The following PON3 variants were observed in gnomAD, a reference collection of about 807,000 sequenced individuals.
The protein encoded by PON3 is paraoxonase 3.
A neutral mutation model predicts 36.3 loss-of-function variants in PON3; 37 were observed. The observed-to-expected ratio is 1.02, with a 90% CI of 0.78 to 1.34. The LOEUF (loss-of-function observed/expected upper bound fraction) is 1.34, where lower values mean the gene tolerates loss of function less well. Among genes scored for constraint, PON3 ranks in the 40% most tolerant of loss-of-function variants. PON3 has a pLI of 0.00. For missense variants in PON3, 415 were observed against 426.5 expected, an observed-to-expected ratio of 0.97 and a Z score of 0.24; for synonymous variants, 155 against 154.8, an observed-to-expected ratio of 1.00 and a Z score of -0.01.
At chr7:95,388,259 C>G (rs528214372) in intron 3 of PON3, among the ~76,000 whole-genome samples, 1 of 152,096 alleles carries the variant, frequency 6.6e-6, no homozygotes, top group Non-Finnish European at 1.5e-5. Context: ...AAACAAAGAA[C>G]CCCGTCAAAA....
At chr7:95,386,402 G>A (rs974848242) in intron 3 of PON3, among the ~76,000 whole-genome samples, 26 of 152,044 alleles carry the variant, frequency 1.7e-4, no homozygotes, top group Admixed American at 1.2e-3. Flanking sequence ...TAAATTCCTC[G>A]ACACATACAT....
In PON3 at chr7:95,372,316, G is replaced by T; in HGVS notation, c.224C>A (p.Pro75Gln). ...TCCTGGTTCATCTGGCGCAAAGTTT[G>T]GCATGCCTGGATATTTTAATCCCTT... is the stretch of plus-strand genomic sequence containing the variant. ...ISSGLKYPGM[P>Q]NFAPDEPGKI... Residue 75 changes from proline (P) to glutamine (Q), a missense_variant, in exon 4 of 9, where the codon CCA becomes CAA. Pro to Gln is a moderately conservative substitution (Grantham distance 76, BLOSUM62 -1). Transcript: ENST00000265627. 6.2e-7 allele frequency: 1 copy of T among 1,613,774 alleles called. No individual in the cohort carries two copies. Among genetic ancestry groups the T allele is most frequent in the Non-Finnish European group, 8.5e-7 (1 of 1,179,862 alleles).
At chr7:95,360,285 C>T (rs939791123) in intron 8 of PON3, among the ~76,000 whole-genome samples, 154 bp from the exon 9 acceptor site, 1 of 151,824 alleles carries the variant, frequency 6.6e-6, no homozygotes, top group Non-Finnish European at 1.5e-5. Flanking sequence ...GATGAAAGTA[C>T]TAATGTCATA....
chr7:95,363,396 G>A (rs1808620379), intron 6 of PON3: 1 of 186,782 alleles, frequency 5.4e-6, no homozygotes, highest in African/African-American at 2.4e-5. Flanking sequence ...TTTAAAATAG[G>A]GTTTTCTCAT....
At chr7:95,382,858 C>T (rs1032899292) in intron 3 of PON3, among the ~76,000 whole-genome samples, 1 of 152,104 alleles carries the variant, frequency 6.6e-6, no homozygotes, top group African/African-American at 2.4e-5. Flanking sequence ...TTTATGAGGC[C>T]AGCATCATCC....
chr7:95,364,010 T>A lies in PON3; in HGVS notation c.548A>T (p.His183Leu). 1 of 1,613,946 alleles carries A rather than the reference T, an allele frequency of 6.2e-7. No homozygotes were observed. Among genetic ancestry groups the A allele is most frequent in the Non-Finnish European group, 8.5e-7 (1 of 1,179,824 alleles). The change falls in exon 6 of 9, where the codon CAC (histidine) becomes CTC (leucine). Residue 183 changes from histidine (H) to leucine (L), a missense_variant. Transcript: ENST00000265627. The stretch of plus-strand genomic sequence containing the variant: ...TGACAGGAGGGAGTTGGTAAAATAG[T>A]GGTCTCTGGTGGCATAGAACTGTTC... ...GPEQFYATRD[H>L]YFTNSLLSFF...
chr7:95,390,514 C>A (rs962060556), intron 2 of PON3, among the ~76,000 whole-genome samples: 2 of 152,148 alleles, frequency 1.3e-5, no homozygotes, highest in Non-Finnish European at 2.9e-5. Context: ...ATTTCCAGGG[C>A]ATATCCTGAG....
chr7:95,371,973 C>T (rs1808816861), intron 4 of PON3, among the ~76,000 whole-genome samples, 200 bp downstream of exon 4: 1 of 151,980 alleles, frequency 6.6e-6, no homozygotes, highest in Non-Finnish European at 1.5e-5. Flanking sequence ...AGGAGGAGGC[C>T]ACATAGGGCC....
intron 3 of PON3, among the ~76,000 whole-genome samples, chr7:95,389,084 T>C (rs1200071512): frequency 6.6e-6 from 1 of 152,014 alleles, no homozygotes; most frequent in African/African-American, 2.4e-5. Context: ...AACTTAAAAG[T>C]ATAATAAAAA....
intron 6 of PON3, among the ~76,000 whole-genome samples, chr7:95,363,187 G>GA (rs1396472056): frequency 6.6e-6 from 1 of 151,720 alleles, no homozygotes; most frequent in South Asian, 2.1e-4. Flanking sequence ...ACTAGTGCTT[G>GA]AAAAAAAGTA....
chr7:95,367,223 G>A, intron 5 of PON3, 139 bp downstream of exon 5: 2 of 1,039,150 alleles, frequency 1.9e-6, no homozygotes, highest in South Asian at 2.9e-5. Flanking sequence ...GAGTCACCAT[G>A]GGAATCATTA....
intron 3 of PON3, among the ~76,000 whole-genome samples, chr7:95,381,961 T>G (rs1319677228): frequency 1.3e-5 from 2 of 152,208 alleles, no homozygotes; most frequent in South Asian, 2.1e-4. Flanking sequence ...AGTAAAGGAC[T>G]ACTCAGCAAA....
chr7:95,369,911 T>C (rs1808773624), intron 4 of PON3, among the ~76,000 whole-genome samples: 1 of 152,196 alleles, frequency 6.6e-6, no homozygotes, highest in South Asian at 2.1e-4. Context: ...AAGCTGAGTC[T>C]TCAATGATGA....
At chr7:95,364,156 C>T (rs999324078) in intron 5 of PON3, 93 bp from the exon 6 acceptor site, 36 of 990,408 alleles carry the variant, frequency 3.6e-5, no homozygotes, top group Middle Eastern at 2.8e-4. Context: ...TAGACTAATA[C>T]GTTCATCAAT....
intron 8 of PON3, among the ~76,000 whole-genome samples, chr7:95,360,384 C>G (rs943989501): frequency 5.3e-5 from 8 of 152,148 alleles, no homozygotes; most frequent in Non-Finnish European, 1.0e-4. Flanking sequence ...GCAGGCATCC[C>G]TTACAGAAGG....
At chr7:95,362,247 A>G (rs1226584701) in intron 8 of PON3, 115 bp downstream of exon 8, 4 of 1,401,082 alleles carry the variant, frequency 2.9e-6, no homozygotes. Flanking sequence ...TCTCATACGT[A>G]AAATTTCTTT....
At chr7:95,366,370 G>A (rs1045603561) in intron 5 of PON3, among the ~76,000 whole-genome samples, 7 of 152,106 alleles carry the variant, frequency 4.6e-5, no homozygotes, top group South Asian at 4.2e-4. Flanking sequence ...AACCCCATAC[G>A]GTGCATTAGG....
intron 3 of PON3, among the ~76,000 whole-genome samples, chr7:95,385,888 C>T (rs1330167119): frequency 6.6e-6 from 1 of 152,078 alleles, no homozygotes; most frequent in Non-Finnish European, 1.5e-5. Context: ...ACACAATGTA[C>T]CAGAATCTCT....
chr7:95,390,060 A>G (rs2116422247), intron 3 of PON3, 94 bp downstream of exon 3: 6 of 1,289,652 alleles, frequency 4.7e-6, no homozygotes, highest in Non-Finnish European at 6.8e-6. Context: ...GGATGAGAGC[A>G]TAGGGATCCA....
Sources: gnomAD v4.1 joint callset for allele counts (sites outside exome capture counted in the v4.1 genomes callset) on GRCh38, gnomAD v4.1.1 for gene constraint, MANE v1.5 for transcripts, NCBI Gene and HGNC (gene_info 2026-07-23, HGNC 2026-07-21) for gene names.